The following RP1 variants were observed in gnomAD, a reference collection of about 807,000 sequenced individuals.
The protein encoded by RP1 is oxygen-regulated protein 1.
A neutral mutation model predicts 14.8 loss-of-function variants in RP1; 16 were observed. The ratio of observed to expected loss-of-function variants is 1.08; its 90% CI spans 0.73 to 1.65. The LOEUF (loss-of-function observed/expected upper bound fraction) is 1.65. RP1 is among the 40% of genes most tolerant of loss of function. RP1 has a pLI of 0.00. For missense variants in RP1, 2,631 were observed against 2,535.0 expected, an observed-to-expected ratio of 1.04 and a Z score of -0.81; for synonymous variants, 876 against 883.6, an observed-to-expected ratio of 0.99 and a Z score of 0.15.
intron 15 of RP1, among the ~76,000 whole-genome samples, chr8:54,712,517 A>G (rs1808316084): frequency 6.6e-6 from 1 of 152,164 alleles, no homozygotes; most frequent in Non-Finnish European, 1.5e-5. Context: ...TGCATTAACA[A>G]TATGTCATTA....
intron 24 of RP1, chr8:54,783,715 A>AGC (rs1810247689): frequency 1.6e-6 from 2 of 1,228,766 alleles, no homozygotes; most frequent in African/African-American, 3.1e-5. Flanking sequence ...TTCAAGGTAA[A>AGC]AATGATACAG....
exon 29 of RP1, chr8:54,870,660 G>A (rs1812568659): frequency 6.6e-6 from 1 of 152,168 alleles, no homozygotes; most frequent in African/African-American, 2.4e-5. Flanking sequence ...TGGTGCCACA[G>A]GTGCCTTCTT....
intron 1 of RP1, among the ~76,000 whole-genome samples, chr8:54,565,087 A>G (rs1563313547): frequency 6.6e-6 from 1 of 152,088 alleles, no homozygotes; most frequent in Non-Finnish European, 1.5e-5. Context: ...TCTCAGAGAG[A>G]AGGTGTGAAC....
At chr8:54,699,458 GT>G in intron 12 of RP1, 2 of 1,314,756 alleles carry the variant, frequency 1.5e-6, no homozygotes, top group Non-Finnish European at 9.9e-7. Context: ...CTTTAAAAAT[GT>G]TTTCCAGGTG....
At chr8:54,730,150 A>G (rs1393807388) in intron 17 of RP1, among the ~76,000 whole-genome samples, 1 of 152,108 alleles carries the variant, frequency 6.6e-6, no homozygotes, top group Admixed American at 6.6e-5. Flanking sequence ...TAATCACTTG[A>G]AAGTACCTCC....
chr8:54,692,267 C>T (rs968666892), intron 12 of RP1, among the ~76,000 whole-genome samples: 43 of 150,388 alleles, frequency 2.9e-4, no homozygotes, highest in Non-Finnish European at 5.8e-4. Flanking sequence ...AATAGTGCAA[C>T]AATAAACATA....
Position 54,627,842 on chromosome 8 carries a change from C to T in RP1, c.3960C>T (p.Asn1320=), listed in dbSNP as rs1806114852. The change falls in exon 4 of 4, where the codon AAC becomes AAT. Residue 1320 remains asparagine (N), a synonymous_variant. Transcript: ENST00000220676. ...ATAAGGCTTGTGCTCAAAAGGAGAA[C>T]CATACCTATGAGGGAGCTTGCCCAA... ...FSDKACAQKE[N]HTYEGACPID... 1.2e-6 allele frequency: 2 copies of T among 1,614,112 alleles called. No homozygotes were observed. The highest frequency in any genetic ancestry group is 1.7e-6 in the Non-Finnish European group (2 of 1,179,980).
At chr8:54,687,513 A>G (rs1481279360) in intron 12 of RP1, among the ~76,000 whole-genome samples, 1 of 151,310 alleles carries the variant, frequency 6.6e-6, no homozygotes, top group African/African-American at 2.4e-5. Flanking sequence ...CCCTATGTCC[A>G]TGTGTTCTCA....
Position 54,630,224 on chromosome 8 carries a change from C to T in RP1, c.6342C>T (p.Ser2114=). ...CLLDICQVET[S]LNISNRNILE... The stretch of plus-strand genomic sequence containing the variant: ...TAGATATTTGCCAAGTTGAGACCTC[C>T]TTAAATATTAGCAACAGAAATATTT... The change falls in exon 4 of 4, where the codon TCC becomes TCT. Residue 2114 remains serine (S), a synonymous_variant. Transcript: ENST00000220676. The T allele has an allele frequency of 6.2e-7, 1 of 1,613,626 alleles. No homozygotes were observed. Among genetic ancestry groups the T allele is most frequent in the Non-Finnish European group, 8.5e-7 (1 of 1,179,916 alleles).
chr8:54,586,139 G>T (rs201420877), intron 1 of RP1, among the ~76,000 whole-genome samples: 1 of 152,074 alleles, frequency 6.6e-6, no homozygotes, highest in African/African-American at 2.4e-5. Flanking sequence ...TATCTACCTT[G>T]GGTCTTTGAT....
At chr8:54,723,186 G>A (rs995660367) in intron 16 of RP1, among the ~76,000 whole-genome samples, 6 of 152,296 alleles carry the variant, frequency 3.9e-5, no homozygotes, top group Non-Finnish European at 7.4e-5. Context: ...TGAGAATTAC[G>A]TGAATTAACA....
At chr8:54,765,454 C>T (rs1809738473) in intron 22 of RP1, among the ~76,000 whole-genome samples, 1 of 152,250 alleles carries the variant, frequency 6.6e-6, no homozygotes, top group African/African-American at 2.4e-5. Flanking sequence ...GTTTGAACAG[C>T]ATCCTTCTTC....
At chr8:54,688,859 G>T (rs1440437044) in intron 12 of RP1, among the ~76,000 whole-genome samples, 2 of 152,160 alleles carry the variant, frequency 1.3e-5, no homozygotes, top group Non-Finnish European at 2.9e-5. Flanking sequence ...AAAGACATCG[G>T]TAACTTGATG....
intron 12 of RP1, among the ~76,000 whole-genome samples, chr8:54,682,647 G>T (rs1807463061): frequency 6.6e-6 from 1 of 150,726 alleles, no homozygotes; most frequent in East Asian, 1.9e-4. Flanking sequence ...TCTCTAATGG[G>T]TTTTTTTTTC....
intron 16 of RP1, among the ~76,000 whole-genome samples, chr8:54,724,331 G>A (rs916570742): frequency 2.0e-5 from 3 of 152,148 alleles, no homozygotes; most frequent in Non-Finnish European, 4.4e-5. Context: ...TAAAATAGAA[G>A]GTATTCAATA....
At chr8:54,757,467 C>T (rs75736542) in intron 21 of RP1, among the ~76,000 whole-genome samples, 3,657 of 152,266 alleles carry the variant, frequency 0.024, 75 homozygotes, top group Non-Finnish European at 0.041. Context: ...GGGAGATAAT[C>T]CCAGTAAGCA....
intron 16 of RP1, among the ~76,000 whole-genome samples, chr8:54,723,412 G>C (rs1431107130): frequency 6.6e-6 from 1 of 151,896 alleles, no homozygotes; most frequent in Non-Finnish European, 1.5e-5. Context: ...TTCATCTACA[G>C]TTTGGTAAGG....
intron 7 of RP1, among the ~76,000 whole-genome samples, chr8:54,669,359 T>C (rs1807091947): frequency 6.6e-6 from 1 of 152,138 alleles, no homozygotes; most frequent in Non-Finnish European, 1.5e-5. Context: ...ATGGCGATCA[T>C]TAAAAAGTTA....
At chr8:54,822,107 A>T (rs1811268382) in intron 24 of RP1, among the ~76,000 whole-genome samples, 1 of 152,258 alleles carries the variant, frequency 6.6e-6, no homozygotes, top group Admixed American at 6.5e-5. Context: ...AGAAAAGTGA[A>T]TATAAAGTGT....
Sources: gnomAD v4.1 joint callset for allele counts (sites outside exome capture counted in the v4.1 genomes callset) on GRCh38, gnomAD v4.1.1 for gene constraint, MANE v1.5 for transcripts, NCBI Gene and HGNC (gene_info 2026-07-23, HGNC 2026-07-21) for gene names.